The following CATSPERT variants were observed in gnomAD, a reference collection of about 807,000 sequenced individuals.
CATSPERT encodes cation channel sperm-associated targeting subunit tau.
chr2:201,509,469 A>G, the CATSPERT span, among the ~76,000 whole-genome samples: 2 of 150,818 alleles, frequency 1.3e-5, no homozygotes, highest in Admixed American at 1.3e-4. Context: ...AGAAGTTTTT[A>G]AGTTTGATGT....
chr2:201,564,374 T>G, the CATSPERT span, among the ~76,000 whole-genome samples: 1 of 152,186 alleles, frequency 6.6e-6, no homozygotes, highest in Non-Finnish European at 1.5e-5. Flanking sequence ...GTACAATGTC[T>G]GGCACTCAGT....
the CATSPERT span, among the ~76,000 whole-genome samples, chr2:201,585,258 T>A: frequency 6.3e-4 from 96 of 151,990 alleles, no homozygotes; most frequent in Non-Finnish European, 1.3e-3. Flanking sequence ...AAGGGAGGGA[T>A]AACCTTAGGA....
the CATSPERT span, among the ~76,000 whole-genome samples, chr2:201,527,580 A>G: frequency 6.6e-6 from 1 of 152,338 alleles, no homozygotes; most frequent in Non-Finnish European, 1.5e-5. Context: ...AATGGAACAG[A>G]ATGGTGAACC....
the CATSPERT span, chr2:201,534,464 A>G: frequency 3.0e-6 from 3 of 983,742 alleles, no homozygotes; most frequent in Non-Finnish European, 3.6e-6. Context: ...GGTAAACTAC[A>G]AACTATGTGC....
At chr2:201,523,507 A>G in the CATSPERT span, among the ~76,000 whole-genome samples, 3 of 152,234 alleles carry the variant, frequency 2.0e-5, no homozygotes, top group East Asian at 3.8e-4. Flanking sequence ...AAGGACAGCA[A>G]CTTTAAAGAT....
At chr2:201,601,307 TGTGTGTGTGG>T in the CATSPERT span, among the ~76,000 whole-genome samples, 162 of 144,826 alleles carry the variant, frequency 1.1e-3, no homozygotes, top group African/African-American at 3.0e-3. Flanking sequence ...TGTGTGTGTG[TGTGTGTGTGG>T]GTTGTAATAA....
the CATSPERT span, among the ~76,000 whole-genome samples, chr2:201,579,078 C>T: frequency 6.6e-6 from 1 of 151,950 alleles, no homozygotes; most frequent in Non-Finnish European, 1.5e-5. Context: ...CTCTTCACTC[C>T]CAATGTTTAC....
the CATSPERT span, among the ~76,000 whole-genome samples, chr2:201,543,326 A>G: frequency 6.6e-6 from 1 of 152,186 alleles, no homozygotes; most frequent in East Asian, 1.9e-4. Flanking sequence ...TGTTTTGACT[A>G]TCCAGAGTCC....
chr2:201,536,356 A>G, the CATSPERT span: 3 of 1,544,948 alleles, frequency 1.9e-6, no homozygotes, highest in Non-Finnish European at 2.6e-6. Context: ...CTACCAGTTA[A>G]TCATTATTGA....
chr2:201,550,282 C>G, the CATSPERT span: 1 of 152,124 alleles, frequency 6.6e-6, no homozygotes, highest in Admixed American at 6.6e-5. Flanking sequence ...AAAAACTGAT[C>G]GGCACCTATG....
At chr2:201,506,746 G>A in the CATSPERT span, among the ~76,000 whole-genome samples, 1 of 152,084 alleles carries the variant, frequency 6.6e-6, no homozygotes, top group African/African-American at 2.4e-5. Flanking sequence ...GTAGAGATGT[G>A]GTTTCACCGT....
the CATSPERT span, among the ~76,000 whole-genome samples, chr2:201,584,566 C>T: frequency 1.3e-5 from 2 of 151,988 alleles, no homozygotes; most frequent in Non-Finnish European, 2.9e-5. Context: ...GGGTGAATCA[C>T]AAGGTCAGGA....
chr2:201,590,337 A>T, the CATSPERT span, among the ~76,000 whole-genome samples: 2 of 152,008 alleles, frequency 1.3e-5, no homozygotes, highest in South Asian at 4.2e-4. Context: ...ATGGCTGCAT[A>T]GTATTCCATG....
At chr2:201,543,616 A>T in the CATSPERT span, among the ~76,000 whole-genome samples, 1 of 152,138 alleles carries the variant, frequency 6.6e-6, no homozygotes, top group East Asian at 1.9e-4. Flanking sequence ...ATGCTATTGT[A>T]AACTGGAATT....
At chr2:201,581,559 T>C in the CATSPERT span, among the ~76,000 whole-genome samples, 6 of 59,788 alleles carry the variant, frequency 1.0e-4, 1 homozygote, top group Admixed American at 3.2e-4. Context: ...TATATATATA[T>C]ATATATATAT....
the CATSPERT span, among the ~76,000 whole-genome samples, chr2:201,604,389 A>G: frequency 6.6e-6 from 1 of 152,138 alleles, no homozygotes; most frequent in Admixed American, 6.5e-5. Flanking sequence ...CATCTGAGGT[A>G]ATTCCGATAT....
the CATSPERT span, among the ~76,000 whole-genome samples, chr2:201,595,949 A>G: frequency 6.6e-6 from 1 of 151,138 alleles, no homozygotes; most frequent in Non-Finnish European, 1.5e-5. Flanking sequence ...AGTTGCAGAG[A>G]AAAAGGAATG....
chr2:201,531,362 T>C, the CATSPERT span, among the ~76,000 whole-genome samples: 3 of 152,128 alleles, frequency 2.0e-5, no homozygotes, highest in Non-Finnish European at 2.9e-5. Context: ...ACAGCTCTAA[T>C]TATGTATGTC....
chr2:201,552,784 T>C, the CATSPERT span: 1 of 152,186 alleles, frequency 6.6e-6, no homozygotes, highest in East Asian at 1.9e-4. Flanking sequence ...AAATGTAATT[T>C]TACTCACTCT....
Sources: gnomAD v4.1 joint callset for allele counts (sites outside exome capture counted in the v4.1 genomes callset) on GRCh38, gnomAD v4.1.1 for gene constraint, MANE v1.5 for transcripts, NCBI Gene and HGNC (gene_info 2026-07-23, HGNC 2026-07-21) for gene names.